Variants in PPM1A observed in about 807,000 individuals in gnomAD.
The protein encoded by PPM1A is protein phosphatase, Mg2+/Mn2+ dependent 1A, also known as protein phosphatase 1A.
In PPM1A, 7 loss-of-function variants were observed where a neutral mutation model predicts 35.0. That is an observed-to-expected ratio of 0.20 (90% CI 0.11 to 0.38). The LOEUF is 0.38. Ranked by LOEUF, PPM1A falls within the 10% of genes least tolerant of loss-of-function variation. PPM1A has a pLI of 1.00. For missense variants in PPM1A, 239 were observed against 467.8 expected (o/e 0.51, Z 4.51); for synonymous variants, 153 against 167.3 (o/e 0.91, Z 0.66).
chr14:60,279,857 C>T (rs1052572913), intron 1 of PPM1A, among the ~76,000 whole-genome samples: 7 of 152,000 alleles, frequency 4.6e-5, no homozygotes, highest in Non-Finnish European at 7.4e-5. Flanking sequence ...TTGACTGCCT[C>T]CTCTGGCAGA....
chr14:60,255,929 A>G lies in PPM1A; in HGVS notation c.-21+6252A>G, dbSNP rs118080613. Among the ~76,000 whole-genome samples, 1,275 of 152,354 alleles carry G rather than the reference A, an allele frequency of 8.4e-3. 21 individuals are homozygous for G. Among genetic ancestry groups the G allele is most frequent in the East Asian group, 0.034 (178 of 5,188 alleles). ...AGAGTATTTTACATTTGCAAATATTATCATGAACTTTGTGTCCTTTTAACC... is the reference window on the plus strand; with the variant it reads ...AGAGTATTTTACATTTGCAAATATTGTCATGAACTTTGTGTCCTTTTAACC... On this transcript the variant is annotated intron_variant, in intron 1 of 5. Transcript: ENST00000395076.
Position 60,298,472 on chromosome 14 carries a change from C to T in PPM1A, c.*5990C>T, listed in dbSNP as rs754692339. The T allele has an allele frequency of 2.0e-5, 3 of 151,636 alleles. No homozygotes were observed. The highest frequency in any genetic ancestry group is 4.8e-5 in the African/African-American group (2 of 41,376). 9.4% of individuals were successfully genotyped at this position (151,636 alleles called of 1,614,324 possible). A position where few individuals can be genotyped will look rare whatever the true frequency, so the allele number is the denominator to read the frequency against. On this transcript the variant is annotated 3_prime_UTR_variant, in exon 6 of 6. Coordinates refer to ENST00000395076, the MANE Select transcript of PPM1A (RefSeq NM_021003.5). ...AATATAATAAGTACAATGTAACAAA[C>T]GTATAGAATTTTGCATTTGTTGCCA...
In PPM1A at chr14:60,292,647, T is replaced by G. The variant is rs1887761089; in HGVS notation, c.*165T>G. 1.2e-5 allele frequency: 5 copies of G among 426,402 alleles called. No individual in the cohort carries two copies. The South Asian group carries it at 4.1e-4, about 35-fold the overall frequency. 26.4% of individuals were successfully genotyped at this position (426,402 alleles called of 1,614,324 possible). On this transcript the variant is annotated 3_prime_UTR_variant, in exon 6 of 6. Transcript: ENST00000395076. The surrounding 1 kb of genome is among the most constrained non-coding windows in gnomAD (Gnocchi z 4.2). ...AGCAGTACAACAGCTAGCCCAGAAC[T>G]GATTTTTTTTTTTTTTTTTGTAAAT...
chr14:60,268,316 T>C (rs1264681326), intron 1 of PPM1A: 1 of 983,392 alleles, frequency 1.0e-6, no homozygotes, highest in African/African-American at 1.8e-5. Context: ...ACTCTAGCAC[T>C]AATTGAAAAA....
At position 60,249,817 on chromosome 14, in the gene PPM1A, C is replaced by T. The variant is rs943640560; in HGVS notation, c.-21+140C>T. The T allele has an allele frequency of 5.7e-5, 20 of 348,520 alleles. No homozygotes were observed. Among genetic ancestry groups the T allele is most frequent in the Middle Eastern group, 2.9e-3 (2 of 680 alleles). The allele number at this position is 348,520 out of a possible 1,614,324, so 21.6% of individuals were successfully genotyped here. ...CGGGAGGAGACGCGACAACTCCACC[C>T]CCTGGCCGGCCTCCTCCCCCGAGCC... On this transcript the variant is annotated intron_variant, in intron 1 of 5. Transcript: ENST00000395076. The surrounding 1 kb of genome is among the most constrained non-coding windows in gnomAD (Gnocchi z 4.5).
rs536687450 is a variant in PPM1A, at chr14:60,250,543, G to A, written c.-21+866G>A. ...AATCCACAAAAGTCATGCTTCAGTT[G>A]TCCAAGCCATGGGATCTGTGTGCTA... On this transcript the variant is annotated intron_variant, in intron 1 of 5. Transcript: ENST00000395076. 6.4e-4 allele frequency: 377 copies of A among 587,342 alleles called. No homozygotes were observed. The African/African-American group carries it at 7.1e-3, about 11-fold the overall frequency. 36.4% of individuals were successfully genotyped at this position (587,342 alleles called of 1,614,324 possible). A position where few individuals can be genotyped will look rare whatever the true frequency, so the allele number is the denominator to read the frequency against.
chr14:60,264,696 G>A (rs1884170311), intron 1 of PPM1A, among the ~76,000 whole-genome samples: 1 of 151,480 alleles, frequency 6.6e-6, no homozygotes, highest in Non-Finnish European at 1.5e-5. Flanking sequence ...TTCCTTCTTA[G>A]TCTCTGTATT....
In PPM1A at chr14:60,249,734, G is replaced by C; in HGVS notation, c.-21+57G>C. 1 of 962,282 alleles carries C rather than the reference G, an allele frequency of 1.0e-6. No homozygotes were observed. Among genetic ancestry groups the C allele is most frequent in the Non-Finnish European group, 1.2e-6 (1 of 809,648 alleles). 59.6% of individuals were successfully genotyped at this position (962,282 alleles called of 1,614,324 possible). On this transcript the variant is annotated intron_variant, in intron 1 of 5. Transcript: ENST00000395076. The surrounding 1 kb of genome is among the most constrained non-coding windows in gnomAD (Gnocchi z 4.5). ...GGCGGGCGGTGCGGGCCTGCGCGGCGGCGGCGGCGGGCAGGCCTGGGGCCT... is the reference window on the plus strand; with the variant it reads ...GGCGGGCGGTGCGGGCCTGCGCGGCCGCGGCGGCGGGCAGGCCTGGGGCCT...
rs1886656478 is a variant in PPM1A, at chr14:60,283,857, G to A, written c.834+320G>A. On this transcript the variant is annotated intron_variant, in intron 2 of 5. Coordinates refer to ENST00000395076, the MANE Select transcript of PPM1A (RefSeq NM_021003.5). The surrounding 1 kb of genome is among the most constrained non-coding windows in gnomAD (Gnocchi z 6.3). ...AGAGGGTGGGGAGGGTTAGGCCTCA[G>A]TGTCTATAAATGAAAAGCATTTTAG... is the stretch of plus-strand genomic sequence containing the variant. Among the ~76,000 whole-genome samples the A allele has an allele frequency of 6.6e-6, 1 of 152,222 alleles. No homozygotes were observed. The highest frequency in any genetic ancestry group is 2.4e-5 in the African/African-American group (1 of 41,464).
In PPM1A at chr14:60,282,650, A is replaced by C; in HGVS notation, c.-20-34A>C. On this transcript the variant is annotated intron_variant, in intron 1 of 5. Transcript: ENST00000395076. The surrounding 1 kb of genome is among the most constrained non-coding windows in gnomAD (Gnocchi z 5.1). ...TTGGTACATATTTTGTTTATAAGACAGTTATTGACTTTCCTGTTTCTCTTC... is the reference window on the plus strand; with the variant it reads ...TTGGTACATATTTTGTTTATAAGACCGTTATTGACTTTCCTGTTTCTCTTC... The C allele has an allele frequency of 6.3e-7, 1 of 1,588,356 alleles. No individual in the cohort carries two copies. Among genetic ancestry groups the C allele is most frequent in the Non-Finnish European group, 8.6e-7 (1 of 1,166,864 alleles).
intron 4 of PPM1A, among the ~76,000 whole-genome samples, chr14:60,291,061 C>T (rs1887580410): frequency 6.6e-6 from 1 of 152,058 alleles, no homozygotes; most frequent in Non-Finnish European, 1.5e-5. Flanking sequence ...AGTATTATAT[C>T]TTAAGAATGG....
chr14:60,275,142 G>A (rs1885605615), intron 1 of PPM1A, among the ~76,000 whole-genome samples: 1 of 149,942 alleles, frequency 6.7e-6, no homozygotes. Context: ...TAGACTTGTA[G>A]GCAGAAGAAG....
chr14:60,290,256 T>C (rs997622739), intron 4 of PPM1A, among the ~76,000 whole-genome samples: 3 of 152,274 alleles, frequency 2.0e-5, no homozygotes, highest in South Asian at 4.1e-4. Flanking sequence ...TCGTTGTTAG[T>C]AGTAGTATAA....
chr14:60,260,887 G>T (rs1269386883), intron 1 of PPM1A, among the ~76,000 whole-genome samples: 2 of 152,140 alleles, frequency 1.3e-5, no homozygotes, highest in South Asian at 4.2e-4. Flanking sequence ...TTGTCTGACC[G>T]GGAAAAAGTA....
intron 1 of PPM1A, among the ~76,000 whole-genome samples, chr14:60,254,204 T>C (rs1457987605): frequency 6.6e-6 from 1 of 152,030 alleles, no homozygotes; most frequent in Non-Finnish European, 1.5e-5. Flanking sequence ...AAACTAGAGA[T>C]TGAGTAGAGA....
chr14:60,289,144 A>G lies in PPM1A; in HGVS notation c.953-662A>G, dbSNP rs1887346951. Among the ~76,000 whole-genome samples, 1 of 152,102 alleles carries G rather than the reference A, an allele frequency of 6.6e-6. No homozygotes were observed. The highest frequency in any genetic ancestry group is 2.4e-5 in the African/African-American group (1 of 41,444). ...CTCTTTTTAAACATTTTATAAGGAA[A>G]TTTAGACCTTTTCTATTCAAGGCTT... On this transcript the variant is annotated intron_variant, in intron 3 of 5. Coordinates refer to ENST00000395076, the MANE Select transcript of PPM1A (RefSeq NM_021003.5). The surrounding 1 kb of genome is among the most constrained non-coding windows in gnomAD (Gnocchi z 4.1).
At chr14:60,278,740 T>G (rs1886051192) in intron 1 of PPM1A, among the ~76,000 whole-genome samples, 1 of 152,272 alleles carries the variant, frequency 6.6e-6, no homozygotes. Flanking sequence ...TTTTATACTT[T>G]TAGCAAATAT....
intron 1 of PPM1A, among the ~76,000 whole-genome samples, chr14:60,271,890 T>C (rs116819999): frequency 0.01 from 1,541 of 152,334 alleles, 18 homozygotes; most frequent in African/African-American, 0.035. Context: ...TAACATTTTA[T>C]ACATTTCTCA....
intron 1 of PPM1A, among the ~76,000 whole-genome samples, chr14:60,265,364 TG>T (rs1323637224): frequency 6.6e-6 from 1 of 152,202 alleles, no homozygotes. Flanking sequence ...CAGCCATGCA[TG>T]GGTACCTTTT....
Sources: allele counts gnomAD v4.1 joint callset (sites outside exome capture counted in the v4.1 genomes callset), GRCh38; gene constraint gnomAD v4.1.1; non-coding constraint Gnocchi (gnomAD v3.1); transcripts MANE v1.5; gene names NCBI Gene and HGNC (gene_info 2026-07-23, HGNC 2026-07-21).